NRP2: variants seen among roughly 807,000 people sequenced by gnomAD.
NRP2 encodes the protein neuropilin 2, also known as neuropilin-2.
A neutral mutation model predicts 110.4 loss-of-function variants in NRP2; 52 were observed. The ratio of observed to expected loss-of-function variants is 0.47; its 90% confidence interval spans 0.38 to 0.59. The LOEUF (loss-of-function observed/expected upper bound fraction) is 0.59. NRP2 is among the 20% of genes least tolerant of loss of function. NRP2 has a pLI of 0.00. For synonymous variants in NRP2, 508 were observed against 468.9 expected (o/e 1.08, Z -1.08); for missense variants, 1,049 against 1,203.0 (o/e 0.87, Z 1.89).
chr2:205,790,312 C>G (rs887392153), intron 15 of NRP2, among the ~76,000 whole-genome samples: 1 of 152,218 alleles, frequency 6.6e-6, no homozygotes, highest in Non-Finnish European at 1.5e-5. Context: ...TCATTAGCAT[C>G]ATTTTACCCT....
At chr2:205,762,715 C>A (rs951320024) in intron 12 of NRP2, among the ~76,000 whole-genome samples, 3 of 152,190 alleles carry the variant, frequency 2.0e-5, no homozygotes, top group Non-Finnish European at 4.4e-5. Flanking sequence ...CAAATGCCAC[C>A]TTGTTCTCTG....
intron 2 of NRP2, among the ~76,000 whole-genome samples, chr2:205,715,476 G>A (rs539168101): frequency 1.1e-3 from 172 of 152,270 alleles, no homozygotes; most frequent in Non-Finnish European, 1.6e-3. Flanking sequence ...GGTTTTTATC[G>A]CCTTATCTAA....
Position 205,743,571 on chromosome 2 carries a change from C to A in NRP2, c.1641+19C>A. The A allele has an allele frequency of 6.2e-7, 1 of 1,613,224 alleles. No individual in the cohort carries two copies. Among genetic ancestry groups the A allele is most frequent in the South Asian group, 1.1e-5 (1 of 90,992 alleles). On this transcript the variant is annotated intron_variant, in intron 9 of 16. Transcript: ENST00000357785. ...GCCAAAGGTAGGCTGTTCTTGGAGG[C>A]CTCTGTAACGTTACCCTCAACAGGG...
At position 205,776,960 on chromosome 2, in the gene NRP2, G is replaced by T. The variant is rs1029727369; in HGVS notation, c.2425+10157G>T. 9.8e-6 allele frequency: 11 copies of T among 1,117,246 alleles called. No individual in the cohort carries two copies. In the African/African-American group the frequency reaches 1.6e-4, roughly 16 times the overall value. The allele number at this position is 1,117,246 out of a possible 1,614,324, so 69.2% of individuals were successfully genotyped here. On this transcript the variant is annotated intron_variant, in intron 15 of 16. Coordinates refer to ENST00000357785, the MANE Select transcript of NRP2 (RefSeq NM_003872.3). ...GTACATAGTAGACATGTGTGTGTGTGAATAGCTCTCTGTGTGTGGGTGTGT... is the reference window on the plus strand; with the variant it reads ...GTACATAGTAGACATGTGTGTGTGTTAATAGCTCTCTGTGTGTGGGTGTGT...
chr2:205,752,670 C>T (rs956009156), intron 11 of NRP2, 165 bp from the exon 12 acceptor site: 22 of 728,506 alleles, frequency 3.0e-5, no homozygotes, highest in Middle Eastern at 5.3e-4. Context: ...AAGCCTGACC[C>T]GAAAGCCAGC....
chr2:205,792,120 A>T, intron 15 of NRP2, 115 bp from the exon 16 acceptor site: 1 of 744,712 alleles, frequency 1.3e-6, no homozygotes, highest in Non-Finnish European at 2.5e-6. Context: ...AGTAGAGGTG[A>T]TTCTCTAGCT....
chr2:205,712,890 T>C (rs2056826176), intron 2 of NRP2, among the ~76,000 whole-genome samples: 2 of 152,228 alleles, frequency 1.3e-5, no homozygotes, highest in African/African-American at 4.8e-5. Flanking sequence ...GTTTGTTGAT[T>C]ATTTGCTTCA....
chr2:205,751,923 C>T (rs2057652846), intron 11 of NRP2, among the ~76,000 whole-genome samples: 1 of 152,196 alleles, frequency 6.6e-6, no homozygotes, highest in Non-Finnish European at 1.5e-5. Flanking sequence ...CCTCTTTCCC[C>T]ACGTCCACAC....
chr2:205,759,204 C>T (rs1309219685), intron 12 of NRP2, among the ~76,000 whole-genome samples: 1 of 152,088 alleles, frequency 6.6e-6, no homozygotes, highest in Non-Finnish European at 1.5e-5. Context: ...TTTGAAGGGG[C>T]AAGGGTTCCT....
chr2:205,719,046 G>T (rs535577159), intron 3 of NRP2, among the ~76,000 whole-genome samples: 1 of 152,178 alleles, frequency 6.6e-6, no homozygotes, highest in South Asian at 2.1e-4. Flanking sequence ...CAGGTGCCTT[G>T]TCCTATACCC....
At chr2:205,757,992 G>A (rs1193080728) in intron 12 of NRP2, among the ~76,000 whole-genome samples, 2 of 151,890 alleles carry the variant, frequency 1.3e-5, no homozygotes, top group Non-Finnish European at 2.9e-5. Flanking sequence ...AGCCTCAATG[G>A]CAAAACCTTC....
chr2:205,690,741 C>G (rs2056297721), intron 1 of NRP2, among the ~76,000 whole-genome samples: 1 of 151,936 alleles, frequency 6.6e-6, no homozygotes, highest in South Asian at 2.1e-4. Flanking sequence ...GATTGTGCCA[C>G]TGCACTCTAG....
chr2:205,700,877 G>C (rs912100393), intron 2 of NRP2: 1 of 393,428 alleles, frequency 2.5e-6, no homozygotes, highest in African/African-American at 2.1e-5. Flanking sequence ...AGAAGCTGTG[G>C]GCAGAAACCA....
intron 2 of NRP2, among the ~76,000 whole-genome samples, chr2:205,698,262 G>T (rs1244609004): frequency 3.3e-5 from 5 of 151,848 alleles, no homozygotes; most frequent in Non-Finnish European, 7.4e-5. Flanking sequence ...ATTCACATTG[G>T]TTCTTGATAG....
chr2:205,766,790 C>A lies in NRP2; in HGVS notation c.2412C>A (p.Ile804=), dbSNP rs1165470009. The change falls in exon 15 of 17, where the codon ATC becomes ATA. Residue 804 remains isoleucine (I), a synonymous_variant. Coordinates refer to ENST00000357785, the MANE Select transcript of NRP2 (RefSeq NM_003872.3). Reference sequence around the variant, plus strand: ...TTTGTTTGTTTTTTTCAGAACCCATCTCGGCTTTTGCAGGTGAGAATTTTA... The same window carrying A: ...TTTGTTTGTTTTTTTCAGAACCCATATCGGCTTTTGCAGGTGAGAATTTTA... The part of the protein sequence containing the change: ...DVPLENCMEP[I]SAFAVDIPEI... 1.2e-6 allele frequency: 2 copies of A among 1,612,950 alleles called. No individual in the cohort carries two copies. Among genetic ancestry groups the A allele is most frequent in the South Asian group, 2.2e-5 (2 of 91,014 alleles).
chr2:205,705,748 G>A (rs529560780), intron 2 of NRP2, among the ~76,000 whole-genome samples: 22 of 152,122 alleles, frequency 1.4e-4, no homozygotes, highest in South Asian at 4.2e-4. Context: ...GATAGTAATC[G>A]TGGGGCTGGG....
chr2:205,738,695 G>A (rs2057388491), intron 7 of NRP2, among the ~76,000 whole-genome samples: 1 of 152,160 alleles, frequency 6.6e-6, no homozygotes, highest in African/African-American at 2.4e-5. Context: ...ACCTGGGAGA[G>A]AGGCATGACT....
intron 10 of NRP2, among the ~76,000 whole-genome samples, chr2:205,746,125 CGA>C (rs2057534765): frequency 6.6e-6 from 1 of 152,132 alleles, no homozygotes; most frequent in Non-Finnish European, 1.5e-5. Flanking sequence ...TTCTCCAACC[CGA>C]GTCTCTCAAA....
chr2:205,774,572 A>G (rs2058070767), intron 15 of NRP2, among the ~76,000 whole-genome samples: 1 of 152,192 alleles, frequency 6.6e-6, no homozygotes, highest in Non-Finnish European at 1.5e-5. Context: ...ATGAACCTGC[A>G]CCCTAGCGGA....
Sources: allele counts gnomAD v4.1 joint callset (sites outside exome capture counted in the v4.1 genomes callset), GRCh38; gene constraint gnomAD v4.1.1; transcripts MANE v1.5; gene names NCBI Gene and HGNC (gene_info 2026-07-23, HGNC 2026-07-21).